EXOC4: variants seen among roughly 807,000 people sequenced by gnomAD.
EXOC4 encodes SEC8-like 1.
EXOC4 carries 71 observed loss-of-function variants against 107.2 expected under a neutral mutation model. The observed-to-expected ratio is 0.66, with a 90% confidence interval of 0.55 to 0.81. The LOEUF is 0.81. Among genes scored for constraint, EXOC4 ranks in the 30% least tolerant of loss-of-function variants. EXOC4 has a pLI of 0.00. For missense variants in EXOC4, 1,108 were observed against 1,189.6 expected (o/e 0.93, Z 1.01); for synonymous variants, 456 against 441.2 (o/e 1.03, Z -0.42).
intron 10 of EXOC4, among the ~76,000 whole-genome samples, chr7:133,684,155 A>T (rs1562906376): frequency 6.6e-6 from 1 of 152,200 alleles, no homozygotes; most frequent in Non-Finnish European, 1.5e-5. Flanking sequence ...GATATAAGGA[A>T]CTTGAGTGAG....
intron 5 of EXOC4, among the ~76,000 whole-genome samples, chr7:133,343,200 T>G (rs1227625070): frequency 6.6e-6 from 1 of 152,172 alleles, no homozygotes; most frequent in Non-Finnish European, 1.5e-5. Flanking sequence ...AAATTTTTTT[T>G]GGCCCCCAGC....
chr7:133,611,771 G>A (rs1373746502), intron 9 of EXOC4, among the ~76,000 whole-genome samples: 1 of 152,054 alleles, frequency 6.6e-6, no homozygotes, highest in Non-Finnish European at 1.5e-5. Context: ...TGGCCTTGAT[G>A]TAAATTAGCC....
At chr7:133,628,362 G>A (rs773244857) in intron 9 of EXOC4, among the ~76,000 whole-genome samples, 1 of 152,096 alleles carries the variant, frequency 6.6e-6, no homozygotes, top group Non-Finnish European at 1.5e-5. Context: ...CTGACAAAGC[G>A]GGGCCTTTAT....
At chr7:133,516,292 C>T (rs1403771268) in intron 9 of EXOC4, among the ~76,000 whole-genome samples, 1 of 152,188 alleles carries the variant, frequency 6.6e-6, no homozygotes, top group Non-Finnish European at 1.5e-5. Context: ...ACACCACAGT[C>T]AATTTAAGGA....
At chr7:133,701,357 A>C (rs748515938) in intron 10 of EXOC4, among the ~76,000 whole-genome samples, 23 of 152,228 alleles carry the variant, frequency 1.5e-4, no homozygotes, top group Non-Finnish European at 3.1e-4. Context: ...CTGATTAAAC[A>C]AGATCAACAG....
At chr7:133,935,920 A>G (rs1800289373) in intron 13 of EXOC4, among the ~76,000 whole-genome samples, 1 of 152,166 alleles carries the variant, frequency 6.6e-6, no homozygotes, top group Admixed American at 6.5e-5. Context: ...TAATCCTTAC[A>G]TTACTTCATA....
chr7:133,605,308 T>C (rs550231654), intron 9 of EXOC4, among the ~76,000 whole-genome samples: 1 of 152,286 alleles, frequency 6.6e-6, no homozygotes, highest in Admixed American at 6.5e-5. Context: ...AAATTTATAA[T>C]ATAATATTTT....
At chr7:133,977,671 TTTG>T (rs1357773180) in intron 14 of EXOC4, among the ~76,000 whole-genome samples, 1 of 152,066 alleles carries the variant, frequency 6.6e-6, no homozygotes, top group Non-Finnish European at 1.5e-5. Flanking sequence ...GTTGGTTTGT[TTTG>T]TTGTTGTGGT....
In EXOC4 at chr7:133,452,250, A is replaced by G. The variant is rs190703750; in HGVS notation, c.1183-23078A>G. ...CCCTACAGCAGCATTATTAGTAAAT[A>G]TCTCATTTTCTGGATTCCAAGACCC... On this transcript the variant is annotated intron_variant, in intron 7 of 17. Coordinates refer to ENST00000253861, the MANE Select transcript of EXOC4 (RefSeq NM_021807.4). Among the ~76,000 whole-genome samples the G allele has an allele frequency of 3.9e-5, 6 of 152,318 alleles. No homozygotes were observed. The East Asian group carries it at 9.6e-4, about 24-fold the overall frequency.
intron 1 of EXOC4, among the ~76,000 whole-genome samples, chr7:133,267,014 A>G (rs1232030333): frequency 1.3e-5 from 2 of 152,168 alleles, no homozygotes; most frequent in East Asian, 1.9e-4. Flanking sequence ...TATGATCTGC[A>G]TAGTTGTCTT....
intron 14 of EXOC4, among the ~76,000 whole-genome samples, chr7:133,965,399 T>C (rs1801041764): frequency 6.6e-6 from 1 of 152,242 alleles, no homozygotes; most frequent in Non-Finnish European, 1.5e-5. Flanking sequence ...ATGAAGTCTT[T>C]GCCAATGCCT....
chr7:133,936,111 G>T (rs1314921143), intron 13 of EXOC4, among the ~76,000 whole-genome samples: 1 of 152,136 alleles, frequency 6.6e-6, no homozygotes, highest in African/African-American at 2.4e-5. Flanking sequence ...CTGGAAATCA[G>T]TTAGAAATGC....
At chr7:133,664,367 G>T (rs1793764185) in intron 10 of EXOC4, among the ~76,000 whole-genome samples, 1 of 152,108 alleles carries the variant, frequency 6.6e-6, no homozygotes, top group African/African-American at 2.4e-5. Context: ...TTTGTTGAAT[G>T]AATGAATGAA....
chr7:133,549,650 T>G (rs939564977), intron 9 of EXOC4, among the ~76,000 whole-genome samples: 5 of 152,120 alleles, frequency 3.3e-5, no homozygotes. Context: ...GTTGGAAAAA[T>G]GGCACCTATA....
chr7:133,787,955 T>TTTTTTATA (rs774395151), intron 10 of EXOC4, among the ~76,000 whole-genome samples: 7 of 31,640 alleles, frequency 2.2e-4, no homozygotes, highest in South Asian at 2.0e-3. Context: ...GTGCATATAT[T>TTTTTTATA]TATATATTTA....
At chr7:133,529,523 T>C (rs1800140979) in intron 9 of EXOC4, among the ~76,000 whole-genome samples, 1 of 152,214 alleles carries the variant, frequency 6.6e-6, no homozygotes, top group Admixed American at 6.5e-5. Flanking sequence ...GACATAAAGA[T>C]ATAAGAATTA....
At chr7:133,270,605 G>A (rs548709170) in intron 1 of EXOC4, among the ~76,000 whole-genome samples, 1 of 152,292 alleles carries the variant, frequency 6.6e-6, no homozygotes, top group East Asian at 1.9e-4. Context: ...ATGAGACTAG[G>A]ATCAATGGGT....
At chr7:133,652,295 T>C (rs1286270686) in intron 10 of EXOC4, among the ~76,000 whole-genome samples, 1 of 152,006 alleles carries the variant, frequency 6.6e-6, no homozygotes, top group East Asian at 1.9e-4. Flanking sequence ...TAAGTGGGAG[T>C]TGGAGGAGAG....
intron 1 of EXOC4, among the ~76,000 whole-genome samples, chr7:133,263,963 C>T (rs753165790): frequency 1.3e-5 from 2 of 152,034 alleles, no homozygotes; most frequent in Non-Finnish European, 2.9e-5. Context: ...AAAATTTGAC[C>T]ACATAACACC....
Sources: allele counts gnomAD v4.1 joint callset (sites outside exome capture counted in the v4.1 genomes callset), GRCh38; gene constraint gnomAD v4.1.1; transcripts MANE v1.5; gene names NCBI Gene and HGNC (gene_info 2026-07-23, HGNC 2026-07-21).